The following OPCML variants were observed in gnomAD, a reference collection of about 807,000 sequenced individuals.
OPCML encodes the protein opioid binding protein/cell adhesion molecule like.
A neutral mutation model predicts 37.8 loss-of-function variants in OPCML; 13 were observed. The ratio of observed to expected loss-of-function variants is 0.34; its 90% CI spans 0.22 to 0.55. The LOEUF is 0.55. Ranked by LOEUF, OPCML falls within the 20% of genes least tolerant of loss-of-function variation. The pLI is 0.91. For missense variants in OPCML, 341 were observed against 435.6 expected, an observed-to-expected ratio of 0.78 and a Z score of 1.93; for synonymous variants, 176 against 168.8, an observed-to-expected ratio of 1.04 and a Z score of -0.33.
intron 1 of OPCML, chr11:133,003,982 T>C: frequency 1.0e-6 from 1 of 985,234 alleles, no homozygotes. Flanking sequence ...CCTCGAGAAG[T>C]CCCTGCACCC....
intron 1 of OPCML, among the ~76,000 whole-genome samples, chr11:133,385,725 G>C (rs1945032267): frequency 6.6e-6 from 1 of 152,070 alleles, no homozygotes; most frequent in Non-Finnish European, 1.5e-5. Context: ...GTTTCCCTTT[G>C]TCTTATCCCA....
intron 2 of OPCML, among the ~76,000 whole-genome samples, chr11:132,673,748 A>AT (rs1046247066): frequency 1.3e-5 from 2 of 152,076 alleles, no homozygotes; most frequent in African/African-American, 2.4e-5. Flanking sequence ...TTTTCCACCC[A>AT]TTTTTTCTCA....
intron 4 of OPCML, among the ~76,000 whole-genome samples, chr11:132,463,621 T>C (rs2096110207): frequency 6.6e-6 from 1 of 152,228 alleles, no homozygotes; most frequent in Non-Finnish European, 1.5e-5. Flanking sequence ...TAGAACATGC[T>C]TTGCCACAGT....
intron 3 of OPCML, among the ~76,000 whole-genome samples, chr11:132,568,068 GTT>G (rs56042033): frequency 6.6e-6 from 1 of 151,528 alleles, no homozygotes; most frequent in Non-Finnish European, 1.5e-5. Context: ...GTGTGTGTGT[GTT>G]TGATTAGTCA....
chr11:133,408,254 C>A (rs1280749590), intron 1 of OPCML, among the ~76,000 whole-genome samples: 2 of 152,046 alleles, frequency 1.3e-5, no homozygotes, highest in Non-Finnish European at 2.9e-5. Flanking sequence ...TTAATAAAAA[C>A]AGTAAGATAA....
chr11:133,422,995 A>G, intron 1 of OPCML: 2 of 985,338 alleles, frequency 2.0e-6, no homozygotes, highest in Non-Finnish European at 2.4e-6. Flanking sequence ...AAAGTGCCTT[A>G]CTTCCTTCTT....
At chr11:132,680,423 A>G (rs1317286884) in intron 2 of OPCML, among the ~76,000 whole-genome samples, 1 of 152,128 alleles carries the variant, frequency 6.6e-6, no homozygotes, top group African/African-American at 2.4e-5. Flanking sequence ...GAAGTGCTAA[A>G]ACATATCCTA....
chr11:132,633,898 G>A (rs1462654312), intron 3 of OPCML, among the ~76,000 whole-genome samples: 1 of 152,122 alleles, frequency 6.6e-6, no homozygotes, highest in Non-Finnish European at 1.5e-5. Context: ...AAGAAATCGG[G>A]GGTGGGAGGC....
chr11:133,229,230 T>A (rs1182290220), intron 1 of OPCML, among the ~76,000 whole-genome samples: 1 of 152,196 alleles, frequency 6.6e-6, no homozygotes, highest in African/African-American at 2.4e-5. Flanking sequence ...CATTTCATGA[T>A]TGGAGGGCAG....
chr11:133,043,584 T>C (rs1947949216), intron 1 of OPCML, among the ~76,000 whole-genome samples: 1 of 152,186 alleles, frequency 6.6e-6, no homozygotes, highest in Admixed American at 6.5e-5. Context: ...TCTGCAGCCT[T>C]GGTGTGTACG....
At chr11:133,140,834 A>ACG in intron 1 of OPCML, among the ~76,000 whole-genome samples, 1 of 89,942 alleles carries the variant, frequency 1.1e-5, no homozygotes, top group African/African-American at 3.5e-5. Flanking sequence ...GACGACGACG[A>ACG]AGAAGACGAC....
intron 1 of OPCML, chr11:133,422,715 C>G: frequency 1.0e-6 from 1 of 982,608 alleles, no homozygotes; most frequent in Middle Eastern, 5.2e-4. Flanking sequence ...CACTCTCAAA[C>G]TTTCTCATAT....
intron 2 of OPCML, among the ~76,000 whole-genome samples, chr11:132,708,406 A>G (rs1221852989): frequency 6.6e-6 from 1 of 152,224 alleles, no homozygotes. Context: ...TGTCAAGAAT[A>G]ATGGAAAGAA....
intron 1 of OPCML, among the ~76,000 whole-genome samples, chr11:133,291,938 A>G (rs1942489613): frequency 6.6e-6 from 1 of 152,256 alleles, no homozygotes; most frequent in Admixed American, 6.5e-5. Flanking sequence ...GCGATTCTGC[A>G]GTCTGTGAAG....
intron 3 of OPCML, among the ~76,000 whole-genome samples, chr11:132,565,617 C>A (rs1021719712): frequency 6.6e-6 from 1 of 152,240 alleles, no homozygotes; most frequent in Non-Finnish European, 1.5e-5. Flanking sequence ...CTGCGACTGA[C>A]AGTTCTCAAT....
chr11:132,434,836 C>T (rs181884358), intron 7 of OPCML, among the ~76,000 whole-genome samples: 3 of 152,172 alleles, frequency 2.0e-5, no homozygotes, highest in African/African-American at 7.2e-5. Flanking sequence ...GGTCTCTGGG[C>T]TGGGTTGCTC....
intron 1 of OPCML, among the ~76,000 whole-genome samples, chr11:133,267,803 A>G (rs1458748009): frequency 6.6e-6 from 1 of 152,140 alleles, no homozygotes; most frequent in African/African-American, 2.4e-5. Flanking sequence ...TGATGATTTT[A>G]TAAAGGGCAG....
intron 2 of OPCML, among the ~76,000 whole-genome samples, chr11:132,831,918 T>G (rs12806231): frequency 0.071 from 10,749 of 152,048 alleles, 430 homozygotes; most frequent in Non-Finnish European, 0.082. Flanking sequence ...CCTCCTGTCT[T>G]CCCTCTTCAT....
At chr11:132,841,161 T>G (rs1203322437) in intron 2 of OPCML, among the ~76,000 whole-genome samples, 2 of 152,238 alleles carry the variant, frequency 1.3e-5, no homozygotes, top group Non-Finnish European at 2.9e-5. Context: ...TAACAAATGC[T>G]GCAAGCAATT....
Sources: gnomAD v4.1 joint callset for allele counts (sites outside exome capture counted in the v4.1 genomes callset) on GRCh38, gnomAD v4.1.1 for gene constraint, MANE v1.5 for transcripts, NCBI Gene and HGNC (gene_info 2026-07-23, HGNC 2026-07-21) for gene names.